CD36: variants seen among roughly 807,000 people sequenced by gnomAD.
CD36 encodes the protein CD36 molecule (CD36 blood group), also known as platelet glycoprotein 4.
Under a neutral mutation model 55.2 loss-of-function variants are expected in CD36, and 119 were observed. That is an observed-to-expected ratio of 2.15 (90% confidence interval 1.86 to 2.51). CD36 has a LOEUF of 2.51. CD36 is among the 30% of genes most tolerant of loss of function. The probability of loss-of-function intolerance (pLI) is 0.00; values close to 1 mark genes in which losing one functional copy is unlikely to be tolerated. For synonymous variants in CD36, 186 were observed against 193.6 expected (o/e 0.96, Z 0.33); for missense variants, 819 against 555.5 (o/e 1.47, Z -4.77).
At chr7:80,637,306 A>G (rs1312642553), upstream of CD36, among the ~76,000 whole-genome samples, 1 of 152,048 alleles carries the variant, frequency 6.6e-6, no homozygotes, top group African/African-American at 2.4e-5. Context: ...ATATCGTGCC[A>G]CCAAGATAAA....
intron 1 of CD36, among the ~76,000 whole-genome samples, chr7:80,607,900 T>C (rs944669568): frequency 2.0e-5 from 3 of 152,046 alleles, no homozygotes; most frequent in Non-Finnish European, 4.4e-5. Context: ...TCCTCCCGAG[T>C]GCTGGGACTA....
At chr7:80,668,043 G>T (rs1338096010) in intron 8 of CD36, among the ~76,000 whole-genome samples, 1 of 151,992 alleles carries the variant, frequency 6.6e-6, no homozygotes, top group Non-Finnish European at 1.5e-5. Flanking sequence ...CACCACACCT[G>T]GCCAAGGCTT....
chr7:80,662,721 A>G (rs1796647602), intron 5 of CD36: 5 of 431,312 alleles, frequency 1.2e-5, no homozygotes, highest in Non-Finnish European at 1.7e-5. Context: ...TTAATGCATT[A>G]GATATTTGAG....
At chr7:80,656,795 C>A in intron 4 of CD36, 95 bp downstream of exon 4, 1 of 1,132,338 alleles carries the variant, frequency 8.8e-7, no homozygotes, top group Non-Finnish European at 1.3e-6. Flanking sequence ...TTGAAATGTA[C>A]TTATTATTTT....
At chr7:80,603,341 T>G (rs1474187255) in intron 1 of CD36, among the ~76,000 whole-genome samples, 2 of 152,126 alleles carry the variant, frequency 1.3e-5, no homozygotes, top group African/African-American at 2.4e-5. Flanking sequence ...AAGGTCACTT[T>G]CTTTTATTAT....
chr7:80,639,616 T>TA (rs1320649478), intron 1 of CD36, among the ~76,000 whole-genome samples: 7 of 151,996 alleles, frequency 4.6e-5, no homozygotes, highest in African/African-American at 1.7e-4. Flanking sequence ...AATCATCAAG[T>TA]AGCATATTGA....
intron 1 of CD36, among the ~76,000 whole-genome samples, chr7:80,630,537 A>T (rs1433415639): frequency 6.6e-6 from 1 of 152,096 alleles, no homozygotes; most frequent in Non-Finnish European, 1.5e-5. Context: ...TATAAAAATC[A>T]ATCTTTTGGG....
intron 1 of CD36, among the ~76,000 whole-genome samples, chr7:80,620,269 T>A (rs1031682544): frequency 1.4e-4 from 22 of 152,188 alleles, no homozygotes; most frequent in African/African-American, 5.3e-4. Context: ...ATCCCACAGG[T>A]TGCGAGCTTA....
At chr7:80,620,023 T>G (rs888121324) in intron 1 of CD36, among the ~76,000 whole-genome samples, 1 of 152,188 alleles carries the variant, frequency 6.6e-6, no homozygotes, top group Non-Finnish European at 1.5e-5. Context: ...TGTTTTTGTT[T>G]TTGTTTTTTT....
chr7:80,611,034 C>A (rs1792850856), intron 1 of CD36, among the ~76,000 whole-genome samples: 2 of 152,018 alleles, frequency 1.3e-5, no homozygotes, highest in African/African-American at 4.8e-5. Flanking sequence ...CACCACCATG[C>A]CCAGCTAATT....
In CD36 at chr7:80,674,008, C is replaced by A. The variant is rs1207161070; in HGVS notation, c.1280C>A (p.Ala427Glu). ...NETGTIGDEK[A>E]NMFRSQVTGK... ...ACTGGGACCATTGGTGATGAGAAGG[C>A]AAACATGTTCAGAAGTCAAGTAACT... The change falls in exon 14 of 15, where the codon GCA becomes GAA. Residue 427 changes from alanine to glutamate, a missense_variant. By Grantham distance (107) the Ala-to-Glu change is moderately radical. Transcript: ENST00000447544. 1.2e-6 allele frequency: 2 copies of A among 1,611,846 alleles called. No homozygotes were observed. The highest frequency in any genetic ancestry group is 2.2e-5 in the South Asian group (2 of 91,016).
intron 1 of CD36, among the ~76,000 whole-genome samples, chr7:80,605,584 T>G (rs1374002446): frequency 6.6e-6 from 1 of 152,184 alleles, no homozygotes; most frequent in African/African-American, 2.4e-5. Context: ...TGCTCTAAGC[T>G]TCTCGTTTTT....
At chr7:80,667,717 A>G (rs1247054394) in intron 8 of CD36, among the ~76,000 whole-genome samples, 1 of 148,644 alleles carries the variant, frequency 6.7e-6, no homozygotes, top group African/African-American at 2.5e-5. Context: ...AACAGCAAAA[A>G]CACTGTTGGA....
intron 1 of CD36, among the ~76,000 whole-genome samples, chr7:80,605,696 C>T (rs1307663622): frequency 6.6e-6 from 1 of 152,158 alleles, no homozygotes; most frequent in African/African-American, 2.4e-5. Flanking sequence ...GGATTGATAA[C>T]TTCCTAAAAT....
intron 11 of CD36, 74 bp downstream of exon 11, chr7:80,672,114 G>C: frequency 8.4e-7 from 1 of 1,184,040 alleles, no homozygotes; most frequent in South Asian, 1.3e-5. Flanking sequence ...TAATCTTGTC[G>C]ATGATTATTT....
At chr7:80,642,456 A>C (rs1374511970) in intron 1 of CD36, among the ~76,000 whole-genome samples, 4 of 152,104 alleles carry the variant, frequency 2.6e-5, no homozygotes, top group Non-Finnish European at 2.9e-5. Context: ...ATAGGTGGAA[A>C]AGCTGTGTGA....
intron 1 of CD36, among the ~76,000 whole-genome samples, 151 bp from the exon 2 acceptor site, chr7:80,645,937 T>C (rs1366809023): frequency 6.6e-6 from 1 of 152,212 alleles, no homozygotes; most frequent in Non-Finnish European, 1.5e-5. Flanking sequence ...AAACAGTTTT[T>C]AGGACAAGCC....
At chr7:80,622,410 A>C (rs1305569288) in intron 1 of CD36, among the ~76,000 whole-genome samples, 2 of 152,374 alleles carry the variant, frequency 1.3e-5, no homozygotes, top group South Asian at 2.1e-4. Context: ...AGGAGAACAA[A>C]GAAGAATAAT....
chr7:80,675,267 A>C (rs1798113794), intron 14 of CD36, among the ~76,000 whole-genome samples: 1 of 151,676 alleles, frequency 6.6e-6, no homozygotes, highest in Admixed American at 6.6e-5. Context: ...TAGCCTACTG[A>C]CAAATTATGA....
Sources: gnomAD v4.1 joint callset for allele counts (sites outside exome capture counted in the v4.1 genomes callset) on GRCh38, gnomAD v4.1.1 for gene constraint, MANE v1.5 for transcripts, NCBI Gene and HGNC (gene_info 2026-07-23, HGNC 2026-07-21) for gene names.